The following LRRTM4 variants were observed in gnomAD, a reference collection of about 807,000 sequenced individuals.
LRRTM4 encodes leucine-rich repeat transmembrane neuronal protein 4.
LRRTM4 carries 25 observed loss-of-function variants against 47.6 expected under a neutral mutation model. The observed-to-expected ratio is 0.53, with a 90% CI of 0.38 to 0.73. The LOEUF is 0.73. Among genes scored for constraint, LRRTM4 ranks in the 30% least tolerant of loss-of-function variants. LRRTM4 has a pLI of 0.00. For synonymous variants in LRRTM4, 311 were observed against 269.5 expected, an observed-to-expected ratio of 1.15 and a Z score of -1.51; for missense variants, 638 against 713.4, an observed-to-expected ratio of 0.89 and a Z score of 1.20.
intron 3 of LRRTM4, among the ~76,000 whole-genome samples, chr2:77,420,944 T>C (rs1674853170): frequency 6.7e-6 from 1 of 149,248 alleles, no homozygotes; most frequent in African/African-American, 2.5e-5. Flanking sequence ...ATTCTCTGAA[T>C]TATATTTCCT....
At chr2:77,276,110 T>G (rs1013349815) in intron 3 of LRRTM4, among the ~76,000 whole-genome samples, 4 of 151,960 alleles carry the variant, frequency 2.6e-5, no homozygotes, top group African/African-American at 9.7e-5. Context: ...TATCTTCAAC[T>G]TTTGCTCACA....
chr2:76,843,396 G>A lies in LRRTM4; in HGVS notation c.1552-94480C>T, dbSNP rs541193695. Among the ~76,000 whole-genome samples the A allele has an allele frequency of 2.6e-5, 4 of 152,102 alleles. 1 individual carries two copies. Among genetic ancestry groups the A allele is most frequent in the Non-Finnish European group, 5.9e-5 (4 of 68,028 alleles). On this transcript the variant is annotated intron_variant, in intron 3 of 3. Coordinates refer to ENST00000409884, the MANE Select transcript of LRRTM4 (RefSeq NM_001134745.3). ...AGTTATAGTCCTAGACTCTCTGTTA[G>A]ATAATATATATCTAATTTAATTCTC...
intron 3 of LRRTM4, among the ~76,000 whole-genome samples, chr2:77,042,274 T>A (rs1225543072): frequency 6.6e-6 from 1 of 151,464 alleles, no homozygotes; most frequent in Non-Finnish European, 1.5e-5. Flanking sequence ...CTCAAATAGT[T>A]AAGAAAAAAT....
At chr2:77,430,198 T>A (rs1223491838) in intron 3 of LRRTM4, among the ~76,000 whole-genome samples, 3 of 152,230 alleles carry the variant, frequency 2.0e-5, no homozygotes, top group Non-Finnish European at 4.4e-5. Flanking sequence ...CATATGTTAA[T>A]TAGCTAGCTT....
At chr2:77,285,571 G>A (rs542627043) in intron 3 of LRRTM4, among the ~76,000 whole-genome samples, 109 of 151,364 alleles carry the variant, frequency 7.2e-4, no homozygotes, top group Admixed American at 6.4e-3. Context: ...GTGAAACCCC[G>A]TCTCTACCCA....
intron 3 of LRRTM4, among the ~76,000 whole-genome samples, chr2:77,226,566 T>TATAC (rs1375351008): frequency 6.9e-6 from 1 of 144,644 alleles, no homozygotes; most frequent in Non-Finnish European, 1.5e-5. Context: ...TATATATATA[T>TATAC]ACTAGTGTCT....
At chr2:76,783,600 C>T (rs1203676910) in intron 3 of LRRTM4, among the ~76,000 whole-genome samples, 1 of 152,056 alleles carries the variant, frequency 6.6e-6, no homozygotes, top group East Asian at 1.9e-4. Flanking sequence ...AATTAACATG[C>T]TAATGTGAAA....
At chr2:77,481,176 T>C (rs1481848523) in intron 3 of LRRTM4, among the ~76,000 whole-genome samples, 1 of 152,166 alleles carries the variant, frequency 6.6e-6, no homozygotes, top group Admixed American at 6.5e-5. Flanking sequence ...TGTACCAAAC[T>C]TTTTTCTAAC....
chr2:76,973,342 T>C (rs1446623005), intron 3 of LRRTM4, among the ~76,000 whole-genome samples: 1 of 152,070 alleles, frequency 6.6e-6, no homozygotes, highest in Non-Finnish European at 1.5e-5. Flanking sequence ...CCAATTAGAT[T>C]GAATAGCTAA....
intron 3 of LRRTM4, among the ~76,000 whole-genome samples, chr2:77,090,786 C>T (rs974176111): frequency 2.6e-5 from 4 of 152,194 alleles, no homozygotes; most frequent in South Asian, 4.1e-4. Context: ...CCCAGAGCCC[C>T]TGGAACTCTG....
chr2:76,827,408 T>C (rs114365146), intron 3 of LRRTM4, among the ~76,000 whole-genome samples: 2,381 of 151,858 alleles, frequency 0.016, 53 homozygotes, highest in African/African-American at 0.05. Flanking sequence ...TAGATATGCA[T>C]TGATGGTTAC....
intron 3 of LRRTM4, among the ~76,000 whole-genome samples, chr2:77,269,637 T>C (rs6734653): frequency 0.2 from 30,579 of 151,966 alleles, 6,669 homozygotes; most frequent in African/African-American, 0.55. Context: ...GAAAAAAAGG[T>C]TTTAGTTATA....
chr2:76,878,519 A>G (rs1234308960), intron 3 of LRRTM4, among the ~76,000 whole-genome samples: 1 of 152,080 alleles, frequency 6.6e-6, no homozygotes, highest in African/African-American at 2.4e-5. Context: ...AAAAAAAAAA[A>G]AGTTCTTAAA....
chr2:77,075,864 G>A (rs868265636), intron 3 of LRRTM4, among the ~76,000 whole-genome samples: 54 of 118,130 alleles, frequency 4.6e-4, no homozygotes, highest in African/African-American at 1.7e-3. Context: ...GCAGTGAGCC[G>A]AGATCCCGCC....
intron 3 of LRRTM4, among the ~76,000 whole-genome samples, chr2:77,496,528 T>C (rs1455396241): frequency 6.6e-6 from 1 of 151,940 alleles, no homozygotes; most frequent in African/African-American, 2.4e-5. Context: ...GAATTATTAT[T>C]AGAATTGTAT....
chr2:76,823,437 CAG>C (rs1671107002), intron 3 of LRRTM4, among the ~76,000 whole-genome samples: 1 of 151,388 alleles, frequency 6.6e-6, no homozygotes, highest in Non-Finnish European at 1.5e-5. Flanking sequence ...CACATTAAAA[CAG>C]TGAGTTATTC....
intron 3 of LRRTM4, among the ~76,000 whole-genome samples, chr2:77,449,539 A>C (rs1214487026): frequency 2.6e-5 from 4 of 152,168 alleles, no homozygotes; most frequent in Admixed American, 2.6e-4. Flanking sequence ...AGAAACTAAA[A>C]GTACCAGGCT....
chr2:77,078,276 T>C (rs1399421247), intron 3 of LRRTM4, among the ~76,000 whole-genome samples: 1 of 152,174 alleles, frequency 6.6e-6, no homozygotes, highest in Non-Finnish European at 1.5e-5. Flanking sequence ...TGTTAGTTTC[T>C]CTCGTTGCTA....
At chr2:77,052,645 A>G (rs1364256655) in intron 3 of LRRTM4, among the ~76,000 whole-genome samples, 1 of 152,058 alleles carries the variant, frequency 6.6e-6, no homozygotes. Flanking sequence ...GAATCTATAT[A>G]ACAGGTTTTA....
Sources: allele counts gnomAD v4.1 joint callset (sites outside exome capture counted in the v4.1 genomes callset), GRCh38; gene constraint gnomAD v4.1.1; transcripts MANE v1.5; gene names NCBI Gene and HGNC (gene_info 2026-07-23, HGNC 2026-07-21).